The following PHF8 variants were observed in gnomAD, a reference collection of about 807,000 sequenced individuals.
PHF8 encodes histone lysine demethylase PHF8.
In PHF8, 9 loss-of-function variants were observed where a neutral mutation model predicts 74.4. The ratio of observed to expected loss-of-function variants is 0.12; its 90% CI spans 0.07 to 0.21. PHF8 has a LOEUF of 0.21. Among genes scored for constraint, PHF8 ranks in the 10% least tolerant of loss-of-function variants. PHF8 has a pLI of 1.00. For missense variants in PHF8, 478 were observed against 816.6 expected, an observed-to-expected ratio of 0.59 and a Z score of 5.05; for synonymous variants, 311 against 316.6, an observed-to-expected ratio of 0.98 and a Z score of 0.19.
chrX:54,023,841 C>CGAA (rs2066218900), intron 2 of PHF8, among the ~76,000 whole-genome samples: 1 of 39,189 alleles, frequency 2.6e-5, no homozygotes, highest in African/African-American at 9.2e-5. Context: ...ACCCTGTCTC[C>CGAA]AAAAAAAAAA....
In PHF8 at chrX:53,940,460, C is replaced by A; in HGVS notation, c.2706G>T (p.Glu902Asp). 1 of 1,209,993 alleles carries A rather than the reference C, an allele frequency of 8.3e-7. No individual in the cohort carries two copies. Among genetic ancestry groups the A allele is most frequent in the Non-Finnish European group, 1.1e-6 (1 of 894,222 alleles). The change falls in exon 21 of 22, where the codon GAG (glutamate) becomes GAT (aspartate). Residue 902 changes from glutamate (E) to aspartate (D), a missense_variant. Coordinates refer to ENST00000338154, the MANE Select transcript of PHF8 (RefSeq NM_015107.3). The part of the protein sequence containing the change: ...KYIKKKPLLK[E>D]VEQPRPQDSN... ...AGTCTTGAGGGCGAGGCTGTTCTAC[C>A]TCCTTCAGCAAAGGCTTCTTCTTGA...
rs200978006 is a variant in PHF8, at chrX:53,944,205, C to T, written c.2578G>A (p.Val860Met). ...GAGGCTACCCGGGTCCCCTCACGCA[C>T]AGGACGGTCCTGCTTCGGCAGAGTT... ...TPTLPKQDRP[V>M]REGTRVASIE... The change falls in exon 20 of 22, where the codon GTG (valine) becomes ATG (methionine). Residue 860 changes from valine to methionine, a missense_variant. Physicochemically the swap from Val to Met is conservative, Grantham distance 21. Around this residue, in one of 9 missense-constraint regions of PHF8, gnomAD observed 35 missense variants for 78.8 expected, o/e 0.44. Coordinates refer to ENST00000338154, the MANE Select transcript of PHF8 (RefSeq NM_015107.3). 33 of 1,208,855 alleles carry T rather than the reference C, an allele frequency of 2.7e-5. No homozygotes were observed. Among genetic ancestry groups the T allele is most frequent in the African/African-American group, 5.2e-5 (3 of 57,259 alleles).
rs782727527 is a variant in PHF8, at chrX:53,960,736, G to A, written c.2539+2108C>T. 4.6e-5 allele frequency among the ~76,000 whole-genome samples: 5 copies of A among 108,596 alleles called. No homozygotes were observed. The East Asian group carries it at 1.5e-3, about 32-fold the overall frequency. 94.3% of individuals were successfully genotyped at this position (108,596 alleles called of 115,157 possible). Reference sequence around the variant, plus strand: ...TGCACTCTAGCCTGGGACAGAGCTAGACTCCATTTAAAAAAAATTTAAAAA... The same window carrying A: ...TGCACTCTAGCCTGGGACAGAGCTAAACTCCATTTAAAAAAAATTTAAAAA... On this transcript the variant is annotated intron_variant, in intron 19 of 21. Transcript: ENST00000338154.
At chrX:53,968,633 G>A (rs190596962) in intron 18 of PHF8, among the ~76,000 whole-genome samples, 143 of 112,771 alleles carry the variant, frequency 1.3e-3, no homozygotes, top group African/African-American at 4.4e-3. Context: ...GCCTCGCCGG[G>A]CACGGTGGCT....
rs782657617 is a variant in PHF8, at chrX:53,993,684, C to T, written c.1543G>A (p.Gly515Arg). Reference protein sequence around the residue: ...ERKGKESSALGPAGQLSYNLM... With the variant: ...ERKGKESSALRPAGQLSYNLM... ...TTATAGCTCAACTGGCCAGCAGGCC[C>T]CAAGGCTGAACTCTCCTTGCCCTTT... Residue 515 changes from glycine to arginine, a missense_variant, in exon 13 of 22, where the codon GGG becomes AGG. Transcript: ENST00000338154. The T allele has an allele frequency of 8.3e-7, 1 of 1,209,631 alleles. No homozygotes were observed.
intron 18 of PHF8, among the ~76,000 whole-genome samples, chrX:53,968,011 C>A (rs1429561800): frequency 9.6e-6 from 1 of 103,967 alleles, no homozygotes; most frequent in African/African-American, 3.8e-5. Flanking sequence ...CTAGGAAAAC[C>A]AGAGACCTTT....
chrX:53,955,058 T>C (rs1315542924), intron 19 of PHF8, among the ~76,000 whole-genome samples: 4 of 111,440 alleles, frequency 3.6e-5, no homozygotes, highest in African/African-American at 1.3e-4. Context: ...TTTGTTGCTA[T>C]TGTCAATAGC....
At chrX:53,952,654 C>T (rs782329542) in intron 19 of PHF8, among the ~76,000 whole-genome samples, 88 of 109,693 alleles carry the variant, frequency 8.0e-4, no homozygotes, top group South Asian at 1.6e-3. Context: ...GAGGCTGAGG[C>T]GGGCGGATCA....
At chrX:53,986,011 A>G in intron 16 of PHF8, 62 bp from the exon 17 acceptor site, 3 of 1,051,180 alleles carry the variant, frequency 2.9e-6, no homozygotes, top group East Asian at 3.0e-5. Flanking sequence ...GCCCCAGTAC[A>G]GGGGCGATGA....
chrX:54,045,944 G>GA (rs201328010), upstream of PHF8, among the ~76,000 whole-genome samples: 6 of 104,302 alleles, frequency 5.8e-5, no homozygotes, highest in Admixed American at 2.1e-4. Flanking sequence ...GGATGGTTTA[G>GA]GGTTTTTTTT....
chrX:54,019,713 A>G (rs2066133403), intron 4 of PHF8, among the ~76,000 whole-genome samples: 2 of 102,046 alleles, frequency 2.0e-5, no homozygotes, highest in South Asian at 4.7e-4. Flanking sequence ...GCTTGAACCC[A>G]GGAGGCGGAG....
intron 14 of PHF8, among the ~76,000 whole-genome samples, chrX:53,991,254 ATATT>A (rs1289721679): frequency 8.9e-6 from 1 of 112,530 alleles, no homozygotes; most frequent in Non-Finnish European, 1.9e-5. Context: ...AAGTAAATAA[ATATT>A]TAAAGAAAAG....
upstream of PHF8, among the ~76,000 whole-genome samples, chrX:54,046,720 G>A (rs982222584): frequency 9.0e-6 from 1 of 111,286 alleles, no homozygotes; most frequent in Admixed American, 9.6e-5. Flanking sequence ...GTACCATGGG[G>A]CCGGGTGCAG....
In PHF8 at chrX:54,043,790, G is replaced by A. The variant is rs2066603903; in HGVS notation, c.-121C>T. The A allele has an allele frequency of 6.7e-6, 5 of 748,377 alleles. No homozygotes were observed. Among genetic ancestry groups the A allele is most frequent in the Non-Finnish European group, 4.7e-6 (3 of 635,178 alleles). 61.7% of individuals were successfully genotyped at this position (748,377 alleles called of 1,213,427 possible). ...AATCTTAACGCTTCCCCAACTGACA[G>A]GAACCTCCTCACGCCCCAAACCTGA... On this transcript the variant is annotated 5_prime_UTR_variant, in exon 1 of 22. Transcript: ENST00000338154.
intron 19 of PHF8, among the ~76,000 whole-genome samples, chrX:53,961,698 G>A (rs1409848906): frequency 1.8e-5 from 2 of 110,651 alleles, no homozygotes; most frequent in East Asian, 5.7e-4. Flanking sequence ...CTACCCCTAT[G>A]TCACCCCCTC....
Position 54,014,291 on chromosome X carries a change from T to C in PHF8, c.783+86A>G. The C allele has an allele frequency of 4.3e-6, 3 of 703,726 alleles. No homozygotes were observed. In the East Asian group the frequency reaches 9.6e-5, roughly 22 times the overall value. 58.0% of individuals were successfully genotyped at this position (703,726 alleles called of 1,213,427 possible). On this transcript the variant is annotated intron_variant, in intron 7 of 21. Transcript: ENST00000338154. ...TTTTTATTCAAAATGTAAATCAAAC[T>C]GATTCAAAATGTTTCTGTGCTGCCA...
chrX:54,026,647 G>C (rs1218760803), intron 2 of PHF8, among the ~76,000 whole-genome samples: 1 of 110,812 alleles, frequency 9.0e-6, no homozygotes, highest in African/African-American at 3.3e-5. Context: ...ACAGGCTGGA[G>C]AGCAGTGGTG....
At chrX:53,996,844 G>A (rs191174748) in intron 11 of PHF8, among the ~76,000 whole-genome samples, 2 of 112,427 alleles carry the variant, frequency 1.8e-5, no homozygotes, top group Non-Finnish European at 3.8e-5. Flanking sequence ...ACTGCACCCC[G>A]GCTGGAAACC....
intron 19 of PHF8, among the ~76,000 whole-genome samples, chrX:53,952,658 C>T (rs937356341): frequency 8.3e-5 from 9 of 108,774 alleles, no homozygotes; most frequent in Middle Eastern, 4.9e-3. Context: ...CTGAGGCGGG[C>T]GGATCATGAG....
Sources: allele counts gnomAD v4.1 joint callset (sites outside exome capture counted in the v4.1 genomes callset), GRCh38; gene constraint gnomAD v4.1.1; regional missense constraint gnomAD v4.1.1; transcripts MANE v1.5; gene names NCBI Gene and HGNC (gene_info 2026-07-23, HGNC 2026-07-21).